Variants in CLASP2 observed in about 807,000 individuals in gnomAD.
CLASP2 encodes the protein cytoplasmic linker associated protein 2, also known as CLIP-associating protein 2.
In CLASP2, 47 loss-of-function variants were observed where a neutral mutation model predicts 194.4. That is an observed-to-expected ratio of 0.24 (90% CI 0.19 to 0.31). The LOEUF (loss-of-function observed/expected upper bound fraction) is 0.31, where lower values mean the gene tolerates loss of function less well. Ranked by LOEUF, CLASP2 falls within the 10% of genes least tolerant of loss-of-function variation. The probability of loss-of-function intolerance (pLI) is 1.00; values close to 1 mark genes in which losing one functional copy is unlikely to be tolerated. For missense variants in CLASP2, 1,445 were observed against 1,823.6 expected, an observed-to-expected ratio of 0.79 and a Z score of 3.78; for synonymous variants, 619 against 633.5, an observed-to-expected ratio of 0.98 and a Z score of 0.34.
At chr3:33,688,203 T>C in intron 4 of CLASP2, 74 bp downstream of exon 4, 1 of 1,129,422 alleles carries the variant, frequency 8.9e-7, no homozygotes, top group Non-Finnish European at 1.2e-6. Flanking sequence ...TAGCTTTCCT[T>C]GACTTTGTGA....
rs566742423 is a variant in CLASP2 at position 33,533,171 on chromosome 3, T to C, written c.3787+2062A>G. Among the ~76,000 whole-genome samples, 3 of 152,328 alleles carry C rather than the reference T, an allele frequency of 2.0e-5. No individual in the cohort carries two copies. The East Asian group carries it at 5.8e-4, about 29-fold the overall frequency. Reference sequence around the variant, plus strand: ...AGCTAAGTCTCAATTTACCAGGCTGTTGCTACTACATAGTATTCAATGGAT... The same window carrying C: ...AGCTAAGTCTCAATTTACCAGGCTGCTGCTACTACATAGTATTCAATGGAT... On this transcript the variant is annotated intron_variant, in intron 34 of 38. Transcript: ENST00000682230.
chr3:33,514,514 C>T, intron 36 of CLASP2: 1 of 163,604 alleles, frequency 6.1e-6, no homozygotes, highest in Middle Eastern at 5.1e-4. Context: ...CATTTTATCT[C>T]ACTGCTATTT....
chr3:33,645,383 A>G (rs944487580), intron 7 of CLASP2: 27 of 761,760 alleles, frequency 3.5e-5, no homozygotes, highest in Non-Finnish European at 6.2e-5. Context: ...CAAATACAGT[A>G]AATTCGATAC....
At chr3:33,517,263 A>C in intron 34 of CLASP2, 89 bp from the exon 35 acceptor site, 1 of 944,242 alleles carries the variant, frequency 1.1e-6, no homozygotes, top group Non-Finnish European at 1.5e-6. Context: ...TGAAACACAG[A>C]TATAACCATC....
At chr3:33,568,815 T>C (rs1053965725) in intron 26 of CLASP2, among the ~76,000 whole-genome samples, 29 of 152,242 alleles carry the variant, frequency 1.9e-4, no homozygotes, top group African/African-American at 6.7e-4. Context: ...AAAAAGTTGC[T>C]TGATTCTGAA....
chr3:33,684,621 G>A (rs1209003037), intron 5 of CLASP2, among the ~76,000 whole-genome samples, 165 bp from the exon 6 acceptor site: 4 of 152,174 alleles, frequency 2.6e-5, no homozygotes, highest in Non-Finnish European at 5.9e-5. Context: ...GGCCTGCCAA[G>A]ATACTTCTAG....
chr3:33,584,694 G>GAAA (rs367641282), intron 22 of CLASP2, 56 bp downstream of exon 22: 150 of 1,039,588 alleles, frequency 1.4e-4, no homozygotes, highest in South Asian at 5.2e-4. Context: ...GCCAAAGCCT[G>GAAA]AAAAAAAAAA....
intron 37 of CLASP2, among the ~76,000 whole-genome samples, chr3:33,505,969 A>T (rs1176630013): frequency 1.3e-5 from 2 of 152,238 alleles, no homozygotes; most frequent in Admixed American, 6.5e-5. Context: ...TCTTTAAAAT[A>T]TTATACTATG....
chr3:33,507,838 G>C (rs1436868833), intron 37 of CLASP2, among the ~76,000 whole-genome samples: 1 of 151,782 alleles, frequency 6.6e-6, no homozygotes, highest in Non-Finnish European at 1.5e-5. Flanking sequence ...TGGTCAGTAG[G>C]TTCAGATGTT....
At chr3:33,587,158 C>T (rs371058402) in intron 21 of CLASP2, among the ~76,000 whole-genome samples, 1 of 151,266 alleles carries the variant, frequency 6.6e-6, no homozygotes, top group South Asian at 2.1e-4. Context: ...CGGAGTCTTG[C>T]TCTGTCGCCC....
intron 20 of CLASP2, 157 bp from the exon 21 acceptor site, chr3:33,592,653 TA>T: frequency 4.3e-6 from 3 of 694,992 alleles, no homozygotes; most frequent in Admixed American, 2.3e-5. Context: ...TTATAAACAG[TA>T]ATTTTTTTTT....
At chr3:33,706,633 A>C (rs1443712365) in intron 1 of CLASP2, among the ~76,000 whole-genome samples, 1 of 152,206 alleles carries the variant, frequency 6.6e-6, no homozygotes, top group Non-Finnish European at 1.5e-5. Flanking sequence ...TAGAAATATC[A>C]GTATGAACTC....
chr3:33,681,571 C>T lies in CLASP2; in HGVS notation c.644+2788G>A, dbSNP rs80007400. Among the ~76,000 whole-genome samples the T allele has an allele frequency of 2.6e-4, 40 of 152,278 alleles. 1 individual carries two copies. In the East Asian group the frequency reaches 7.7e-3, roughly 29 times the overall value. On this transcript the variant is annotated intron_variant, in intron 6 of 38. Transcript: ENST00000682230. The stretch of plus-strand genomic sequence containing the variant: ...ATACCACAGGAAAAGAATTGGCAAA[C>T]TCCAGAATGGGGGAAACTTCACAGA...
At chr3:33,705,202 A>T (rs2092615353) in intron 1 of CLASP2, among the ~76,000 whole-genome samples, 1 of 152,254 alleles carries the variant, frequency 6.6e-6, no homozygotes, top group African/African-American at 2.4e-5. Context: ...ATACAACAGA[A>T]TTTTACTCAT....
intron 7 of CLASP2, among the ~76,000 whole-genome samples, chr3:33,662,975 G>A (rs1314719485): frequency 3.9e-5 from 6 of 152,054 alleles, no homozygotes; most frequent in Admixed American, 3.9e-4. Context: ...GATTATGCTA[G>A]TGAAGTTCCT....
intron 9 of CLASP2, among the ~76,000 whole-genome samples, chr3:33,631,570 G>A (rs544792275): frequency 2.0e-5 from 3 of 152,006 alleles, no homozygotes; most frequent in East Asian, 3.9e-4. Flanking sequence ...GGTGCAGGGC[G>A]CCTGTAATCT....
chr3:33,689,656 T>A (rs1028270666), intron 3 of CLASP2, 173 bp downstream of exon 3: 1 of 454,294 alleles, frequency 2.2e-6, no homozygotes, highest in African/African-American at 2.0e-5. Flanking sequence ...AAAATAAGAA[T>A]CAGAAGCAAA....
intron 20 of CLASP2, among the ~76,000 whole-genome samples, chr3:33,593,319 T>C (rs2069289826): frequency 6.6e-6 from 1 of 152,192 alleles, no homozygotes; most frequent in Non-Finnish European, 1.5e-5. Flanking sequence ...TCTTAAGCAA[T>C]AGTCTCAACT....
chr3:33,678,865 T>G (rs1156524221), intron 6 of CLASP2, among the ~76,000 whole-genome samples: 2 of 152,208 alleles, frequency 1.3e-5, no homozygotes, highest in East Asian at 3.8e-4. Flanking sequence ...ATGGATTCAA[T>G]GCAATTCCAA....
Sources: allele counts gnomAD v4.1 joint callset (sites outside exome capture counted in the v4.1 genomes callset), GRCh38; gene constraint gnomAD v4.1.1; transcripts MANE v1.5; gene names NCBI Gene and HGNC (gene_info 2026-07-23, HGNC 2026-07-21).